The following PIP4K2A variants were observed in gnomAD, a reference collection of about 807,000 sequenced individuals.
PIP4K2A encodes phosphatidylinositol-5-phosphate 4-kinase type 2 alpha, also known as phosphatidylinositol 5-phosphate 4-kinase type-2 alpha.
In PIP4K2A, 14 loss-of-function variants were observed where a neutral mutation model predicts 42.9. The ratio of observed to expected loss-of-function variants is 0.33; its 90% CI spans 0.22 to 0.51. PIP4K2A has a LOEUF of 0.51. PIP4K2A is among the 20% of genes least tolerant of loss of function. The pLI is 0.97. For missense variants in PIP4K2A, 434 were observed against 519.8 expected, an observed-to-expected ratio of 0.83 and a Z score of 1.61; for synonymous variants, 192 against 192.2, an observed-to-expected ratio of 1.00 and a Z score of 0.01.
intron 1 of PIP4K2A, among the ~76,000 whole-genome samples, chr10:22,618,126 A>G (rs1381654029): frequency 2.6e-5 from 4 of 152,216 alleles, no homozygotes; most frequent in East Asian, 1.9e-4. Flanking sequence ...GGCTTCTACA[A>G]ATGGATGCTC....
At chr10:22,562,072 T>C (rs1009029876) in intron 6 of PIP4K2A, among the ~76,000 whole-genome samples, 1 of 152,100 alleles carries the variant, frequency 6.6e-6, no homozygotes, top group Non-Finnish European at 1.5e-5. Flanking sequence ...TTTGATAGCA[T>C]TTTCCCCCCC....
chr10:22,616,799 T>C (rs1049330843), intron 1 of PIP4K2A, among the ~76,000 whole-genome samples: 19 of 152,192 alleles, frequency 1.2e-4, no homozygotes, highest in Non-Finnish European at 2.4e-4. Context: ...TGTGGTATAA[T>C]AGCACAATGT....
At chr10:22,654,321 A>G (rs1447461594) in intron 1 of PIP4K2A, among the ~76,000 whole-genome samples, 1 of 152,234 alleles carries the variant, frequency 6.6e-6, no homozygotes, top group African/African-American at 2.4e-5. Flanking sequence ...AATATCCACT[A>G]TTAAGGAAAT....
chr10:22,553,818 AAACTT>A (rs1836469808), intron 6 of PIP4K2A, among the ~76,000 whole-genome samples: 1 of 149,560 alleles, frequency 6.7e-6, no homozygotes, highest in Non-Finnish European at 1.5e-5. Context: ...TTTTTTACAA[AAACTT>A]AACTGTTCTT....
chr10:22,714,012 AGGGCTGGGGGCACGCGCCGCG>A, intron 1 of PIP4K2A, 150 bp downstream of exon 1: 1 of 623,604 alleles, frequency 1.6e-6, no homozygotes, highest in Middle Eastern at 4.2e-4. Flanking sequence ...GGCGGCCCAG[AGGGCTGGGGGCACGCGCCGCG>A]GGGCTGGGGG....
chr10:22,625,781 A>G (rs908608467), intron 1 of PIP4K2A, among the ~76,000 whole-genome samples: 2 of 152,226 alleles, frequency 1.3e-5, no homozygotes, highest in African/African-American at 4.8e-5. Context: ...AGCCACAGCA[A>G]TATCATGTTT....
At chr10:22,664,208 T>TATATATAC (rs1564460343) in intron 1 of PIP4K2A, among the ~76,000 whole-genome samples, 3 of 62,472 alleles carry the variant, frequency 4.8e-5, no homozygotes, top group African/African-American at 1.7e-4. Context: ...TATATACATA[T>TATATATAC]ATATATATAC....
chr10:22,705,824 C>A (rs891229447), intron 1 of PIP4K2A, among the ~76,000 whole-genome samples: 1 of 151,808 alleles, frequency 6.6e-6, no homozygotes, highest in Admixed American at 6.6e-5. Flanking sequence ...TGCCTTTCCC[C>A]ATTGTATTAG....
intron 1 of PIP4K2A, among the ~76,000 whole-genome samples, chr10:22,621,139 G>C (rs1047142729): frequency 6.6e-6 from 1 of 152,202 alleles, no homozygotes; most frequent in African/African-American, 2.4e-5. Flanking sequence ...AGACAGATAA[G>C]AGCCACGTGC....
At chr10:22,696,794 C>A (rs996445862) in intron 1 of PIP4K2A, among the ~76,000 whole-genome samples, 1 of 151,948 alleles carries the variant, frequency 6.6e-6, no homozygotes, top group Non-Finnish European at 1.5e-5. Context: ...GGTAATCATC[C>A]AAGTTAAATA....
At position 22,553,773 on chromosome 10, in the gene PIP4K2A, A is replaced by G. The variant is rs184532341; in HGVS notation, c.679-3001T>C. 4.9e-5 allele frequency among the ~76,000 whole-genome samples: 7 copies of G among 141,962 alleles called. No homozygotes were observed. In the East Asian group the frequency reaches 1.5e-3, roughly 30 times the overall value. 93.1% of individuals were successfully genotyped at this position (141,962 alleles called of 152,430 possible). ...TAAAGCGCACAGACTTGAAATGGGT[A>G]TTACAGGTTGAAAAACTTTTTTTTT... is the stretch of plus-strand genomic sequence containing the variant. On this transcript the variant is annotated intron_variant, in intron 6 of 9. Coordinates refer to ENST00000376573, the MANE Select transcript of PIP4K2A (RefSeq NM_005028.5).
chr10:22,546,212 T>C (rs1158856604), intron 7 of PIP4K2A, among the ~76,000 whole-genome samples: 1 of 152,154 alleles, frequency 6.6e-6, no homozygotes, highest in East Asian at 1.9e-4. Context: ...GTCGAAGAAT[T>C]AAGATAATGA....
chr10:22,624,284 A>G (rs1223560480), intron 1 of PIP4K2A, among the ~76,000 whole-genome samples: 1 of 152,222 alleles, frequency 6.6e-6, no homozygotes, highest in African/African-American at 2.4e-5. Context: ...ATTTCTACCA[A>G]GGCAAAAATG....
At chr10:22,681,934 T>C (rs1170401375) in intron 1 of PIP4K2A, among the ~76,000 whole-genome samples, 7 of 152,114 alleles carry the variant, frequency 4.6e-5, no homozygotes, top group Non-Finnish European at 7.3e-5. Context: ...CAAACTTATC[T>C]ACAGACACTG....
At chr10:22,622,783 T>C (rs181474639) in intron 1 of PIP4K2A, among the ~76,000 whole-genome samples, 2 of 152,312 alleles carry the variant, frequency 1.3e-5, no homozygotes, top group Admixed American at 6.5e-5. Flanking sequence ...AACAAATCTA[T>C]AATTTTTTTC....
chr10:22,606,265 C>G (rs1837905174), intron 3 of PIP4K2A, among the ~76,000 whole-genome samples: 1 of 152,134 alleles, frequency 6.6e-6, no homozygotes, highest in Admixed American at 6.5e-5. Context: ...GAGCTATGAT[C>G]ACACCACTGT....
chr10:22,679,587 A>G (rs1839623061), intron 1 of PIP4K2A, among the ~76,000 whole-genome samples: 1 of 152,250 alleles, frequency 6.6e-6, no homozygotes, highest in Non-Finnish European at 1.5e-5. Flanking sequence ...ACATGGGTCC[A>G]CACAAAAACT....
chr10:22,579,235 C>T (rs139741525), intron 4 of PIP4K2A, among the ~76,000 whole-genome samples: 84 of 152,212 alleles, frequency 5.5e-4, no homozygotes, highest in Non-Finnish European at 8.7e-4. Context: ...TATTACCGCA[C>T]GTGTAAACTG....
At chr10:22,539,401 A>C (rs1836026555) in intron 9 of PIP4K2A, 1 of 153,320 alleles carries the variant, frequency 6.5e-6, no homozygotes, top group Admixed American at 6.5e-5. Context: ...ATTAACGGTG[A>C]GTAATATTAT....
Sources: allele counts gnomAD v4.1 joint callset (sites outside exome capture counted in the v4.1 genomes callset), GRCh38; gene constraint gnomAD v4.1.1; transcripts MANE v1.5; gene names NCBI Gene and HGNC (gene_info 2026-07-23, HGNC 2026-07-21).